The following SGK3 variants were observed in gnomAD, a reference collection of about 807,000 sequenced individuals.
The protein encoded by SGK3 is serum/glucocorticoid regulated kinase family member 3.
A neutral mutation model predicts 68.5 loss-of-function variants in SGK3; 47 were observed. The observed-to-expected ratio is 0.69, with a 90% confidence interval of 0.54 to 0.87. The LOEUF (loss-of-function observed/expected upper bound fraction) is 0.87. Ranked by LOEUF, SGK3 falls within the 40% of genes least tolerant of loss-of-function variation. The pLI, the probability that SGK3 is intolerant of heterozygous loss-of-function variation, is 0.00. For synonymous variants in SGK3, 181 were observed against 189.1 expected (o/e 0.96, Z 0.35); for missense variants, 479 against 575.5 (o/e 0.83, Z 1.72).
intron 3 of SGK3, 110 bp from the exon 4 acceptor site, chr8:66,804,265 A>G: frequency 1.1e-6 from 1 of 884,188 alleles, no homozygotes; most frequent in Non-Finnish European, 1.7e-6. Context: ...ATTCAAAAGT[A>G]TGTCTTATGA....
intron 2 of SGK3, among the ~76,000 whole-genome samples, chr8:66,795,254 C>T (rs1386126125): frequency 1.3e-5 from 2 of 152,210 alleles, no homozygotes; most frequent in African/African-American, 4.8e-5. Flanking sequence ...CCTCTGTCCT[C>T]TCTTCCTTAA....
intron 1 of SGK3, among the ~76,000 whole-genome samples, chr8:66,789,848 T>G (rs578248731): frequency 6.6e-6 from 1 of 152,136 alleles, no homozygotes; most frequent in Non-Finnish European, 1.5e-5. Flanking sequence ...GAGACTGATA[T>G]GGGCAGTTTG....
rs1026085195 is a variant in SGK3, at chr8:66,833,075, C to T, written c.525+1764C>T. 5.3e-5 allele frequency among the ~76,000 whole-genome samples: 8 copies of T among 151,744 alleles called. No individual in the cohort carries two copies. The East Asian group carries it at 5.8e-4, about 11-fold the overall frequency. ...GTGCAGAGTGCAATGGTGGGATCTC[C>T]GCTCACTGCAACCTCTGCATCCCAG... On this transcript the variant is annotated intron_variant, in intron 8 of 16. Coordinates refer to ENST00000521198, the MANE Select transcript of SGK3 (RefSeq NM_001033578.3).
At chr8:66,771,047 C>T (rs1039610527) in intron 1 of SGK3, among the ~76,000 whole-genome samples, 207 of 152,004 alleles carry the variant, frequency 1.4e-3, no homozygotes, top group African/African-American at 4.6e-3. Flanking sequence ...GTCTCTTTTT[C>T]GTTTTTCCTT....
At chr8:66,740,257 G>A (rs1805440156) in intron 1 of SGK3, among the ~76,000 whole-genome samples, 1 of 152,116 alleles carries the variant, frequency 6.6e-6, no homozygotes. Context: ...ATTACTTATT[G>A]ATACAGAAAC....
chr8:66,842,442 G>A (rs377617228), intron 13 of SGK3, among the ~76,000 whole-genome samples: 4 of 151,714 alleles, frequency 2.6e-5, no homozygotes, highest in Non-Finnish European at 5.9e-5. Flanking sequence ...GGATGGTCTC[G>A]ATCTCCTGAC....
intron 5 of SGK3, among the ~76,000 whole-genome samples, chr8:66,816,337 CTTTTTTTTTTT>C (rs1177867449): frequency 2.6e-5 from 3 of 114,122 alleles, no homozygotes; most frequent in African/African-American, 3.5e-5. Context: ...GTGACATTTC[CTTTTTTTTTTT>C]TTTTTTTTTG....
In SGK3 at chr8:66,713,039, C is replaced by T. The variant is rs1804535423; in HGVS notation, c.-122+206C>T. Among the ~76,000 whole-genome samples the T allele has an allele frequency of 2.0e-5, 3 of 152,226 alleles. No individual in the cohort carries two copies. The South Asian group carries it at 6.2e-4, about 32-fold the overall frequency. On this transcript the variant is annotated intron_variant, in intron 1 of 16. Transcript: ENST00000521198. ...TGAATTCAGATCCTGCCTCGAGATTCCTAAACGCCCAAGGGGCGTCGGTGG... is the reference window on the plus strand; with the variant it reads ...TGAATTCAGATCCTGCCTCGAGATTTCTAAACGCCCAAGGGGCGTCGGTGG...
chr8:66,822,566 G>C, intron 6 of SGK3, 107 bp downstream of exon 6: 1 of 1,033,086 alleles, frequency 9.7e-7, no homozygotes, highest in East Asian at 2.6e-5. Flanking sequence ...CCATAGTAGA[G>C]TTTCTACTAT....
chr8:66,845,276 G>A (rs1419914571), intron 14 of SGK3, among the ~76,000 whole-genome samples: 1 of 152,010 alleles, frequency 6.6e-6, no homozygotes, highest in African/African-American at 2.4e-5. Flanking sequence ...GCATGCCCCT[G>A]TAATCCCAGA....
At chr8:66,762,650 T>A (rs1554595991) in intron 1 of SGK3, among the ~76,000 whole-genome samples, 1 of 152,254 alleles carries the variant, frequency 6.6e-6, no homozygotes, top group Non-Finnish European at 1.5e-5. Context: ...GCCTCATAAT[T>A]TTTTTAGTTG....
At chr8:66,740,369 G>C (rs1026262943) in intron 1 of SGK3, among the ~76,000 whole-genome samples, 1 of 152,120 alleles carries the variant, frequency 6.6e-6, no homozygotes, top group Non-Finnish European at 1.5e-5. Context: ...TTGTACTTAA[G>C]CATCATTGAC....
chr8:66,744,652 C>T (rs1423747484), intron 1 of SGK3, among the ~76,000 whole-genome samples: 1 of 148,696 alleles, frequency 6.7e-6, no homozygotes, highest in Non-Finnish European at 1.5e-5. Context: ...GGATTATAGG[C>T]ATGCCACTAT....
intron 15 of SGK3, 39 bp from the exon 16 acceptor site, chr8:66,850,792 C>A (rs1230282961): frequency 6.4e-7 from 1 of 1,550,666 alleles, no homozygotes; most frequent in Non-Finnish European, 8.7e-7. Context: ...TTAATATATT[C>A]TTCGGCATTA....
chr8:66,812,099 A>G (rs192524028), intron 4 of SGK3, among the ~76,000 whole-genome samples: 427 of 152,330 alleles, frequency 2.8e-3, no homozygotes, highest in Middle Eastern at 0.014. Flanking sequence ...GAAATAACCC[A>G]TAATTTTGGT....
intron 1 of SGK3, among the ~76,000 whole-genome samples, chr8:66,741,067 T>G (rs1229136362): frequency 1.3e-5 from 2 of 152,162 alleles, no homozygotes; most frequent in Non-Finnish European, 2.9e-5. Context: ...TTAGTTCAAG[T>G]CTAAACTCCT....
At chr8:66,719,277 G>A in intron 1 of SGK3, among the ~76,000 whole-genome samples, 1 of 151,180 alleles carries the variant, frequency 6.6e-6, no homozygotes. Context: ...TTTTAAATGG[G>A]GATTGTTTTA....
rs1409684410 is a variant in SGK3, at chr8:66,860,258, C to T, written c.*677C>T. The T allele has an allele frequency of 6.6e-6, 1 of 152,178 alleles. No homozygotes were observed. Among genetic ancestry groups the T allele is most frequent in the African/African-American group, 2.4e-5 (1 of 41,428 alleles). The allele number at this position is 152,178 out of a possible 1,614,324, so 9.4% of individuals were successfully genotyped here. On this transcript the variant is annotated 3_prime_UTR_variant, in exon 17 of 17. Coordinates refer to ENST00000521198, the MANE Select transcript of SGK3 (RefSeq NM_001033578.3). ...TCACCTGAGGTCAGGAGTTGGAGACCAGCCTGACCAACATGGACAAACCCC... is the reference window on the plus strand; with the variant it reads ...TCACCTGAGGTCAGGAGTTGGAGACTAGCCTGACCAACATGGACAAACCCC...
At chr8:66,729,735 T>TTATATTTATTTA (rs149985419) in intron 1 of SGK3, among the ~76,000 whole-genome samples, 7,367 of 150,958 alleles carry the variant, frequency 0.049, 310 homozygotes, top group African/African-American at 0.11. Context: ...ATTTATTTAT[T>TTATATTTATTTA]TTTATTTATT....
Sources: gnomAD v4.1 joint callset for allele counts (sites outside exome capture counted in the v4.1 genomes callset) on GRCh38, gnomAD v4.1.1 for gene constraint, MANE v1.5 for transcripts, NCBI Gene and HGNC (gene_info 2026-07-23, HGNC 2026-07-21) for gene names.